The following KMO variants were observed in gnomAD, a reference collection of about 807,000 sequenced individuals.
KMO encodes the protein kynurenine 3-monooxygenase.
Under a neutral mutation model 57.8 loss-of-function variants are expected in KMO, and 24 were observed. The observed-to-expected ratio is 0.42, with a 90% CI of 0.30 to 0.58. KMO has a LOEUF of 0.58. KMO is among the 20% of genes least tolerant of loss of function. The probability of loss-of-function intolerance (pLI) is 0.22; values close to 1 mark genes in which losing one functional copy is unlikely to be tolerated. For missense variants in KMO, 483 were observed against 588.2 expected (o/e 0.82, Z 1.85); for synonymous variants, 210 against 193.6 (o/e 1.08, Z -0.70).
intron 1 of KMO, among the ~76,000 whole-genome samples, chr1:241,543,438 A>T (rs2147943216): frequency 6.6e-6 from 1 of 152,226 alleles, no homozygotes. Context: ...TTTTTCACTT[A>T]TAGTCTTGCT....
chr1:241,576,024 C>CT (rs34772001), intron 10 of KMO, among the ~76,000 whole-genome samples: 49,302 of 143,150 alleles, frequency 0.34, 8,408 homozygotes, highest in East Asian at 0.45. Flanking sequence ...CCTTCTTTGT[C>CT]TTTTTTTTTT....
intron 10 of KMO, among the ~76,000 whole-genome samples, chr1:241,577,454 AT>A (rs1662565532): frequency 6.6e-6 from 1 of 151,988 alleles, no homozygotes; most frequent in Non-Finnish European, 1.5e-5. Flanking sequence ...TTTAATGTTT[AT>A]AGTTTATTGT....
At chr1:241,560,820 T>C in intron 6 of KMO, 68 bp downstream of exon 6, 1 of 1,003,894 alleles carries the variant, frequency 1.0e-6, no homozygotes, top group Non-Finnish European at 1.6e-6. Context: ...TCTGCAAACT[T>C]TGTTCTTTGG....
At chr1:241,575,436 C>T (rs901177780) in intron 10 of KMO, among the ~76,000 whole-genome samples, 4 of 151,986 alleles carry the variant, frequency 2.6e-5, no homozygotes, top group Admixed American at 2.0e-4. Context: ...ATTGTTTTTG[C>T]TGTAACCCAG....
At chr1:241,589,835 G>A (rs920126054) in intron 12 of KMO, among the ~76,000 whole-genome samples, 177 bp from the exon 13 acceptor site, 1 of 152,264 alleles carries the variant, frequency 6.6e-6, no homozygotes, top group Middle Eastern at 3.4e-3. Flanking sequence ...TCGAGGCAAC[G>A]TCCTATATGA....
At chr1:241,570,785 T>G (rs1335973759) in intron 10 of KMO, among the ~76,000 whole-genome samples, 1 of 152,114 alleles carries the variant, frequency 6.6e-6, no homozygotes, top group East Asian at 1.9e-4. Context: ...TGATTTCATA[T>G]ACATTTTAGG....
At position 241,594,488 on chromosome 1, in the gene KMO, A is replaced by C; in HGVS notation, c.*2335A>C. 1 of 1,614,104 alleles carries C rather than the reference A, an allele frequency of 6.2e-7. No individual in the cohort carries two copies. Among genetic ancestry groups the C allele is most frequent in the South Asian group, 1.1e-5 (1 of 91,084 alleles). On this transcript the variant is annotated 3_prime_UTR_variant, in exon 15 of 15. Transcript: ENST00000366559. ...ACCCATTGGTTTTGTCGCTGTCGTCAACTGACAGTGATTCATCACTGGTGA... is the reference window on the plus strand; with the variant it reads ...ACCCATTGGTTTTGTCGCTGTCGTCCACTGACAGTGATTCATCACTGGTGA...
At chr1:241,578,980 G>GA (rs1662647530) in intron 10 of KMO, among the ~76,000 whole-genome samples, 1 of 152,082 alleles carries the variant, frequency 6.6e-6, no homozygotes, top group African/African-American at 2.4e-5. Flanking sequence ...ACTACCACGA[G>GA]AATTGTATGA....
chr1:241,565,157 T>G, intron 8 of KMO, 99 bp downstream of exon 8: 2 of 724,802 alleles, frequency 2.8e-6, no homozygotes, highest in Non-Finnish European at 2.4e-6. Context: ...AATTGATCTC[T>G]TCATTGTTTA....
intron 1 of KMO, among the ~76,000 whole-genome samples, chr1:241,535,506 T>C (rs147385930): frequency 1.3e-5 from 2 of 152,370 alleles, no homozygotes; most frequent in African/African-American, 2.4e-5. Context: ...GTAGTGATCA[T>C]CTGATATTGG....
At chr1:241,557,274 A>G (rs1418553382) in intron 5 of KMO, among the ~76,000 whole-genome samples, 1 of 152,196 alleles carries the variant, frequency 6.6e-6, no homozygotes, top group Non-Finnish European at 1.5e-5. Context: ...CTAAGCCTAC[A>G]CTGTAGTTGC....
intron 6 of KMO, among the ~76,000 whole-genome samples, chr1:241,561,085 C>T (rs1295273494): frequency 6.6e-6 from 1 of 152,150 alleles, no homozygotes; most frequent in Non-Finnish European, 1.5e-5. Context: ...GGTGCTATTT[C>T]TCTGCCTTTC....
chr1:241,549,266 A>AGGAAAGAAAGAAAGG (rs1553346361), intron 2 of KMO, among the ~76,000 whole-genome samples: 2 of 117,644 alleles, frequency 1.7e-5, no homozygotes, highest in Admixed American at 8.9e-5. Context: ...AGAAAGAAAG[A>AGGAAAGAAAGAAAGG]AAGGAAGGAA....
At chr1:241,561,881 A>G (rs1323938362) in intron 6 of KMO, among the ~76,000 whole-genome samples, 4 of 152,196 alleles carry the variant, frequency 2.6e-5, no homozygotes, top group African/African-American at 4.8e-5. Flanking sequence ...CCTGTTTTCA[A>G]GATTCTCCTC....
chr1:241,537,714 A>T (rs1660797679), intron 1 of KMO, among the ~76,000 whole-genome samples: 1 of 152,182 alleles, frequency 6.6e-6, no homozygotes, highest in Admixed American at 6.6e-5. Context: ...GGCAAAAGGC[A>T]TGTCTTACAT....
intron 10 of KMO, among the ~76,000 whole-genome samples, chr1:241,582,061 A>C (rs1662772554): frequency 6.6e-6 from 1 of 152,154 alleles, no homozygotes; most frequent in African/African-American, 2.4e-5. Context: ...GGAAGCTTTT[A>C]TTCCTTTAGC....
At chr1:241,561,635 A>T (rs1326939231) in intron 6 of KMO, among the ~76,000 whole-genome samples, 1 of 152,176 alleles carries the variant, frequency 6.6e-6, no homozygotes, top group Non-Finnish European at 1.5e-5. Flanking sequence ...CTTAAATTGC[A>T]ACTCTTCATA....
intron 4 of KMO, among the ~76,000 whole-genome samples, chr1:241,552,670 C>CT (rs1255150795): frequency 1.2e-4 from 19 of 152,198 alleles, no homozygotes; most frequent in Admixed American, 1.2e-3. Flanking sequence ...CATGGGTCTG[C>CT]TGAAGACCTA....
At chr1:241,576,942 T>G (rs1437266906) in intron 10 of KMO, among the ~76,000 whole-genome samples, 1 of 152,156 alleles carries the variant, frequency 6.6e-6, no homozygotes, top group Non-Finnish European at 1.5e-5. Flanking sequence ...TTTGATTATA[T>G]TTTCTTTATT....
Sources: gnomAD v4.1 joint callset for allele counts (sites outside exome capture counted in the v4.1 genomes callset) on GRCh38, gnomAD v4.1.1 for gene constraint, MANE v1.5 for transcripts, NCBI Gene and HGNC (gene_info 2026-07-23, HGNC 2026-07-21) for gene names.